Variants in CCT2 observed in about 807,000 individuals in gnomAD.
CCT2 encodes T-complex protein 1 subunit beta.
CCT2 carries 18 observed loss-of-function variants against 61.8 expected under a neutral mutation model. The ratio of observed to expected loss-of-function variants is 0.29; its 90% CI spans 0.20 to 0.43. CCT2 has a LOEUF of 0.43. CCT2 is among the 20% of genes least tolerant of loss of function. The pLI, the probability that CCT2 is intolerant of heterozygous loss-of-function variation, is 1.00. For synonymous variants in CCT2, 248 were observed against 215.9 expected (o/e 1.15, Z -1.30); for missense variants, 556 against 656.9 (o/e 0.85, Z 1.68).
intron 5 of CCT2, 41 bp from the exon 6 acceptor site, chr12:69,588,109 A>G (rs760878901): frequency 3.8e-6 from 6 of 1,563,670 alleles, no homozygotes; most frequent in Non-Finnish European, 5.3e-6. Flanking sequence ...GTGCTTAATA[A>G]TTTTCTATTT....
At chr12:69,595,347 A>G (rs1394285506) in intron 10 of CCT2, among the ~76,000 whole-genome samples, 4 of 152,196 alleles carry the variant, frequency 2.6e-5, no homozygotes, top group Admixed American at 2.0e-4. Context: ...AATAAACACA[A>G]TTTAAGATGC....
rs534714078 is a variant in CCT2 at position 69,587,730 on chromosome 12, G to A, written c.256+114G>A. ...TCGTACTGTCAATTGATGTCCACTA[G>A]TTGTTAATTATCGTTGTTAAAATAC... On this transcript the variant is annotated intron_variant, in intron 4 of 15. Transcript: ENST00000299300. 6 of 749,502 alleles carry A rather than the reference G, an allele frequency of 8.0e-6. No individual in the cohort carries two copies. The South Asian group carries it at 1.0e-4, about 13-fold the overall frequency. 46.4% of individuals were successfully genotyped at this position (749,502 alleles called of 1,614,324 possible). A position where few individuals can be genotyped will look rare whatever the true frequency, so the allele number is the denominator to read the frequency against.
chr12:69,593,225 T>C (rs960238203), intron 9 of CCT2, 122 bp downstream of exon 9: 6 of 868,648 alleles, frequency 6.9e-6, no homozygotes, highest in African/African-American at 1.7e-5. Context: ...ACTTAAATTA[T>C]GGATTTTTGT....
At chr12:69,585,937 G>T in intron 1 of CCT2, 1 of 1,274,570 alleles carries the variant, frequency 7.8e-7, no homozygotes, top group Non-Finnish European at 9.9e-7. Flanking sequence ...TCGCCCGCCC[G>T]GCAGGCGTCA....
intron 10 of CCT2, among the ~76,000 whole-genome samples, chr12:69,594,319 A>AAT (rs1430362586): frequency 1.3e-5 from 2 of 152,200 alleles, no homozygotes; most frequent in Non-Finnish European, 2.9e-5. Flanking sequence ...GTACAGTTAC[A>AAT]ATAGTAACCT....
chr12:69,595,426 C>A (rs192389231), intron 10 of CCT2, among the ~76,000 whole-genome samples: 1 of 152,104 alleles, frequency 6.6e-6, no homozygotes, highest in African/African-American at 2.4e-5. Flanking sequence ...TGGTGGCTCA[C>A]GCCTTTAATC....
intron 3 of CCT2, 139 bp from the exon 4 acceptor site, chr12:69,587,366 G>C (rs563900891): frequency 2.6e-5 from 15 of 570,454 alleles, no homozygotes; most frequent in African/African-American, 2.3e-4. Flanking sequence ...TGTATGTATT[G>C]AAAACATTTG....
At chr12:69,587,452 C>G in intron 3 of CCT2, 53 bp from the exon 4 acceptor site, 1 of 973,452 alleles carries the variant, frequency 1.0e-6, no homozygotes, top group Non-Finnish European at 1.7e-6. Context: ...TTGATCCATG[C>G]ATTCTTCAAG....
At position 69,585,477 on chromosome 12, in the gene CCT2, A is replaced by G; in HGVS notation, c.-45A>G. The G allele has an allele frequency of 6.4e-7, 1 of 1,556,156 alleles. No individual in the cohort carries two copies. The highest frequency in any genetic ancestry group is 8.7e-7 in the Non-Finnish European group (1 of 1,149,028). The stretch of plus-strand genomic sequence containing the variant: ...TTCCTTCAGTCCGCTGGTCCCGAGC[A>G]CGAGCTGTGAGGGGATTCACTTGTG... On this transcript the variant is annotated 5_prime_UTR_variant, in exon 1 of 16. Coordinates refer to ENST00000299300, the MANE Select transcript of CCT2 (RefSeq NM_006431.3).
chr12:69,589,074 A>G (rs11177733), intron 6 of CCT2: 40,317 of 200,812 alleles, frequency 0.2, 4,457 homozygotes, highest in Middle Eastern at 0.3. Context: ...GACTACAGGC[A>G]TGTGCCATCA....
chr12:69,593,139 T>G (rs1182868814), intron 9 of CCT2, 36 bp downstream of exon 9: 1 of 1,570,018 alleles, frequency 6.4e-7, no homozygotes, highest in East Asian at 2.2e-5. Flanking sequence ...TTTTTTTCCA[T>G]GAAAGTTTAT....
In CCT2 at chr12:69,598,040, C is replaced by A; in HGVS notation, c.1304C>A (p.Ala435Glu). Residue 435 changes from alanine (A) to glutamate (E), a missense_variant, in exon 13 of 16, where the codon GCA becomes GAA. Physicochemically the swap from Ala to Glu is moderately radical, Grantham distance 107. Coordinates refer to ENST00000299300, the MANE Select transcript of CCT2 (RefSeq NM_006431.3). The part of the protein sequence containing the change: ...ANRTPGKEAV[A>E]MESYAKALRM... Reference sequence around the variant, plus strand: ...AGAACACCAGGCAAAGAAGCTGTTGCAATGGAGTCTTATGCTAAAGCACTG... The same window carrying A: ...AGAACACCAGGCAAAGAAGCTGTTGAAATGGAGTCTTATGCTAAAGCACTG... 6.2e-7 allele frequency: 1 copy of A among 1,613,324 alleles called. No individual in the cohort carries two copies. Among genetic ancestry groups the A allele is most frequent in the Non-Finnish European group, 8.5e-7 (1 of 1,179,366 alleles).
Position 69,598,026 on chromosome 12 carries a change from C to T in CCT2, c.1290C>T (p.Gly430=). The part of the protein sequence containing the change: ...AVTQLANRTP[G]KEAVAMESYA... ...CACAGCTTGCCAATAGAACACCAGG[C>T]AAAGAAGCTGTTGCAATGGAGTCTT... The change falls in exon 13 of 16, where the codon GGC becomes GGT. Residue 430 remains glycine, a synonymous_variant. Transcript: ENST00000299300. The T allele has an allele frequency of 6.2e-7, 1 of 1,613,836 alleles. No homozygotes were observed. Among genetic ancestry groups the T allele is most frequent in the Middle Eastern group, 1.6e-4 (1 of 6,062 alleles).
intron 6 of CCT2, among the ~76,000 whole-genome samples, chr12:69,588,689 G>A (rs545020040): frequency 3.3e-5 from 5 of 152,262 alleles, no homozygotes; most frequent in Admixed American, 6.5e-5. Flanking sequence ...ACTTTGTGAC[G>A]TTGCGACATA....
intron 14 of CCT2, 57 bp from the exon 15 acceptor site, chr12:69,599,806 A>C (rs1395487489): frequency 1.5e-6 from 2 of 1,363,848 alleles, no homozygotes. Flanking sequence ...AAATCATTAG[A>C]GATGTTTTGA....
rs202186172 is a variant in CCT2, at chr12:69,586,834, A to G, written c.144+16A>G. 3,567 of 1,520,166 alleles carry G rather than the reference A, an allele frequency of 2.3e-3. 5 individuals carry two copies. Among genetic ancestry groups the G allele is most frequent in the Non-Finnish European group, 3.0e-3 (3,370 of 1,114,772 alleles). The allele number at this position is 1,520,166 out of a possible 1,614,324, so 94.2% of individuals were successfully genotyped here. On this transcript the variant is annotated intron_variant, in intron 3 of 15. Transcript: ENST00000299300. ...CAAAGGCATGGTAAGAAAAATAGAA[A>G]AGTTTTATATTTTAATATTGTTTTA...
intron 10 of CCT2, among the ~76,000 whole-genome samples, chr12:69,596,659 A>ATAG (rs1882002085): frequency 6.6e-6 from 1 of 152,216 alleles, no homozygotes; most frequent in African/African-American, 2.4e-5. Context: ...CATGAAGTGT[A>ATAG]TAGTGGTTGA....
intron 2 of CCT2, 87 bp from the exon 3 acceptor site, chr12:69,586,666 T>C: frequency 2.2e-6 from 2 of 903,706 alleles, no homozygotes; most frequent in Non-Finnish European, 3.4e-6. Context: ...ACACTCTGCC[T>C]CAAAAAAAAA....
At chr12:69,591,478 C>T (rs981301251) in intron 7 of CCT2, among the ~76,000 whole-genome samples, 2 of 152,042 alleles carry the variant, frequency 1.3e-5, no homozygotes, top group African/African-American at 4.8e-5. Context: ...TACCACCAGC[C>T]TCAATACCTG....
Sources: allele counts gnomAD v4.1 joint callset (sites outside exome capture counted in the v4.1 genomes callset), GRCh38; gene constraint gnomAD v4.1.1; transcripts MANE v1.5; gene names NCBI Gene and HGNC (gene_info 2026-07-23, HGNC 2026-07-21).